Variants in NKAIN3 observed in about 807,000 individuals in gnomAD.
The protein encoded by NKAIN3 is sodium/potassium transporting ATPase interacting 3.
In NKAIN3, 25 loss-of-function variants were observed where a neutral mutation model predicts 30.2. That is an observed-to-expected ratio of 0.83 (90% CI 0.60 to 1.16). NKAIN3 has a LOEUF of 1.16. NKAIN3 is among the 50% of genes most tolerant of loss of function. The probability of loss-of-function intolerance (pLI) is 0.00; values close to 1 mark genes in which losing one functional copy is unlikely to be tolerated. For synonymous variants in NKAIN3, 91 were observed against 89.6 expected, an observed-to-expected ratio of 1.02 and a Z score of -0.09; for missense variants, 225 against 254.1, an observed-to-expected ratio of 0.89 and a Z score of 0.78.
At chr8:62,253,362 G>A (rs1812168637) in intron 1 of NKAIN3, among the ~76,000 whole-genome samples, 1 of 152,188 alleles carries the variant, frequency 6.6e-6, no homozygotes, top group African/African-American at 2.4e-5. Flanking sequence ...GATTGCTTGA[G>A]TCCAGGAGTT....
intron 4 of NKAIN3, among the ~76,000 whole-genome samples, chr8:62,909,907 G>A (rs1821884080): frequency 6.6e-6 from 1 of 152,012 alleles, no homozygotes; most frequent in African/African-American, 2.4e-5. Flanking sequence ...TATCTCCATT[G>A]CCTGGCCAAA....
In NKAIN3 at chr8:62,572,193, A is replaced by G. The variant is rs186337618; in HGVS notation, c.55-7346A>G. On this transcript the variant is annotated intron_variant, in intron 1 of 6. Transcript: ENST00000623646. ...GCTTTGCTGCTTAGAAATTTCTTCC[A>G]TCAGATACCCTAAATCATCTCTCTG... 1.4e-3 allele frequency among the ~76,000 whole-genome samples: 211 copies of G among 152,266 alleles called. 2 individuals carry two copies. Among genetic ancestry groups the G allele is most frequent in the African/African-American group, 3.7e-3 (152 of 41,542 alleles).
At chr8:62,444,578 C>T (rs1563401663) in intron 1 of NKAIN3, among the ~76,000 whole-genome samples, 1 of 152,140 alleles carries the variant, frequency 6.6e-6, no homozygotes, top group African/African-American at 2.4e-5. Flanking sequence ...TAGTAATATT[C>T]CATTAGGTAT....
chr8:62,864,327 T>A, intron 4 of NKAIN3: 1 of 1,469,660 alleles, frequency 6.8e-7, no homozygotes, highest in Non-Finnish European at 9.2e-7. Context: ...AAGAAAACAT[T>A]GAGAAAGAAG....
intron 1 of NKAIN3, among the ~76,000 whole-genome samples, chr8:62,333,154 A>G (rs1185110148): frequency 6.6e-6 from 1 of 152,128 alleles, no homozygotes; most frequent in Non-Finnish European, 1.5e-5. Flanking sequence ...CCCTTAAGAA[A>G]TTAATTTTTT....
chr8:62,896,018 G>GACA (rs1469449478), intron 4 of NKAIN3, among the ~76,000 whole-genome samples: 1 of 151,810 alleles, frequency 6.6e-6, no homozygotes, highest in Non-Finnish European at 1.5e-5. Context: ...ATTGAGTCAG[G>GACA]ACAACGTTGA....
chr8:62,593,847 A>G (rs998137265), intron 3 of NKAIN3, among the ~76,000 whole-genome samples: 1 of 152,050 alleles, frequency 6.6e-6, no homozygotes, highest in Non-Finnish European at 1.5e-5. Flanking sequence ...ACAAAAGGCA[A>G]TAGTTAAAGT....
At chr8:62,845,436 C>T (rs986631709) in intron 4 of NKAIN3, among the ~76,000 whole-genome samples, 7 of 151,460 alleles carry the variant, frequency 4.6e-5, no homozygotes, top group African/African-American at 7.3e-5. Flanking sequence ...GCTCACTTGT[C>T]GCCACCATCC....
chr8:62,810,638 G>GT (rs3032376), intron 4 of NKAIN3, among the ~76,000 whole-genome samples: 55,568 of 120,236 alleles, frequency 0.46, 13,812 homozygotes, highest in Non-Finnish European at 0.56. Context: ...TAGGTAGAAA[G>GT]TTTTTTTTTT....
chr8:62,662,092 T>G (rs2130362560), intron 3 of NKAIN3, among the ~76,000 whole-genome samples: 1 of 152,158 alleles, frequency 6.6e-6, no homozygotes, highest in East Asian at 1.9e-4. Context: ...CCCTGAAAGC[T>G]CCTCAGCTTT....
At chr8:62,454,359 A>G (rs1344100535) in intron 1 of NKAIN3, among the ~76,000 whole-genome samples, 5 of 150,026 alleles carry the variant, frequency 3.3e-5, no homozygotes, top group African/African-American at 9.8e-5. Context: ...AAAGTTTTTG[A>G]ATTTGTGTTG....
At chr8:62,556,453 G>A (rs550938302) in intron 1 of NKAIN3, among the ~76,000 whole-genome samples, 18 of 151,602 alleles carry the variant, frequency 1.2e-4, no homozygotes, top group Middle Eastern at 3.8e-3. Flanking sequence ...TTGAAACTAG[G>A]ATAATAGAAA....
intron 1 of NKAIN3, among the ~76,000 whole-genome samples, chr8:62,259,507 A>G (rs991449923): frequency 6.6e-6 from 1 of 152,206 alleles, no homozygotes; most frequent in Non-Finnish European, 1.5e-5. Context: ...AGACTAAAAT[A>G]CTTCATCAAT....
chr8:62,303,661 T>C lies in NKAIN3; in HGVS notation c.54+54534T>C, dbSNP rs139146636. ...TGATACATTTTAGTTAGGAATCAGC[T>C]TATTTTTTGAGAGTTTTAATTTGAA... is the stretch of plus-strand genomic sequence containing the variant. On this transcript the variant is annotated intron_variant, in intron 1 of 6. Coordinates refer to ENST00000623646, the MANE Select transcript of NKAIN3 (RefSeq NM_001304533.3). Among the ~76,000 whole-genome samples, 228 of 150,658 alleles carry C rather than the reference T, an allele frequency of 1.5e-3. 21 individuals are homozygous for C. The highest frequency in any genetic ancestry group is 5.4e-3 in the African/African-American group (216 of 40,098).
intron 3 of NKAIN3, among the ~76,000 whole-genome samples, chr8:62,685,278 A>G (rs1813762735): frequency 6.6e-6 from 1 of 152,180 alleles, no homozygotes; most frequent in Non-Finnish European, 1.5e-5. Flanking sequence ...CTTGGGTGAG[A>G]TCTTCTGATT....
intron 1 of NKAIN3, among the ~76,000 whole-genome samples, chr8:62,311,797 T>G (rs1160448462): frequency 6.6e-6 from 1 of 150,408 alleles, no homozygotes; most frequent in Non-Finnish European, 1.5e-5. Flanking sequence ...AAAATCCATC[T>G]GCCTGAAATA....
intron 1 of NKAIN3, among the ~76,000 whole-genome samples, chr8:62,400,011 T>G (rs1817885460): frequency 6.6e-6 from 1 of 152,140 alleles, no homozygotes; most frequent in South Asian, 2.1e-4. Flanking sequence ...GGGCTAGGAC[T>G]TCCAGCAGAA....
At chr8:62,706,532 G>A (rs748335352) in intron 3 of NKAIN3, among the ~76,000 whole-genome samples, 14 of 151,860 alleles carry the variant, frequency 9.2e-5, no homozygotes, top group African/African-American at 1.9e-4. Context: ...TATAGTTTCC[G>A]AAACTGTGCC....
At chr8:62,772,404 A>G (rs992908804) in intron 4 of NKAIN3, among the ~76,000 whole-genome samples, 2 of 152,094 alleles carry the variant, frequency 1.3e-5, no homozygotes, top group Non-Finnish European at 2.9e-5. Context: ...TTTTTGAGAA[A>G]CGTCCAAAGT....
Sources: gnomAD v4.1 joint callset for allele counts (sites outside exome capture counted in the v4.1 genomes callset) on GRCh38, gnomAD v4.1.1 for gene constraint, MANE v1.5 for transcripts, NCBI Gene and HGNC (gene_info 2026-07-23, HGNC 2026-07-21) for gene names.